Variants in LRRC36 observed in about 807,000 individuals in gnomAD.
LRRC36 encodes leucine rich repeat containing 36.
A neutral mutation model predicts 81.1 loss-of-function variants in LRRC36; 62 were observed. The ratio of observed to expected loss-of-function variants is 0.76; its 90% CI spans 0.62 to 0.94. LRRC36 has a LOEUF of 0.94. Ranked by LOEUF, LRRC36 falls within the 40% of genes least tolerant of loss-of-function variation. The pLI is 0.00. For synonymous variants in LRRC36, 334 were observed against 348.6 expected, an observed-to-expected ratio of 0.96 and a Z score of 0.47; for missense variants, 761 against 881.7, an observed-to-expected ratio of 0.86 and a Z score of 1.73.
At chr16:67,375,568 C>T (rs2039860850) in intron 10 of LRRC36, among the ~76,000 whole-genome samples, 156 bp downstream of exon 10, 2 of 152,188 alleles carry the variant, frequency 1.3e-5, no homozygotes, top group Non-Finnish European at 2.9e-5. Flanking sequence ...AACAAATCTA[C>T]ATTTTTCTCA....
At chr16:67,359,707 T>C (rs2039060268) in intron 5 of LRRC36, among the ~76,000 whole-genome samples, 1 of 152,208 alleles carries the variant, frequency 6.6e-6, no homozygotes, top group South Asian at 2.1e-4. Flanking sequence ...AGATTTCAGA[T>C]GAGTCAAATA....
intron 1 of LRRC36, among the ~76,000 whole-genome samples, chr16:67,329,968 T>C (rs1193865916): frequency 3.3e-5 from 5 of 152,144 alleles, no homozygotes; most frequent in Non-Finnish European, 7.3e-5. Flanking sequence ...TTGCAATTGG[T>C]TGATGTATGT....
At chr16:67,366,963 T>G in intron 7 of LRRC36, 54 bp from the exon 8 acceptor site, 1 of 1,421,548 alleles carries the variant, frequency 7.0e-7, no homozygotes. Context: ...TACTCCCAGC[T>G]AGGCCACAAA....
Position 67,363,700 on chromosome 16 carries a change from C to A in LRRC36, c.688C>A (p.Pro230Thr). 1.9e-6 allele frequency: 3 copies of A among 1,613,862 alleles called. No individual in the cohort carries two copies. The South Asian group carries it at 3.3e-5, about 18-fold the overall frequency. Reference sequence around the variant, plus strand: ...ACGTGATCAGAAATTAGACACCTTCCCACTGGGGACACAGGTAATGTATTC... The same window carrying A: ...ACGTGATCAGAAATTAGACACCTTCACACTGGGGACACAGGTAATGTATTC... ...GTRDQKLDTFPLGTQTQEVAR... is the reference protein window; with the variant it reads ...GTRDQKLDTFTLGTQTQEVAR... The change falls in exon 6 of 14, where the codon CCA (proline) becomes ACA (threonine). Residue 230 changes from proline to threonine, a missense_variant. Physicochemically the swap from Pro to Thr is conservative, Grantham distance 38. This residue lies in a region of LRRC36 where 263 missense variants were observed against 279.3 expected (regional missense o/e 0.94). Coordinates refer to ENST00000329956, the MANE Select transcript of LRRC36 (RefSeq NM_018296.6).
intron 1 of LRRC36, among the ~76,000 whole-genome samples, chr16:67,331,577 A>G (rs2037493371): frequency 6.6e-6 from 1 of 152,228 alleles, no homozygotes; most frequent in South Asian, 2.1e-4. Flanking sequence ...TTCAAACCAT[A>G]GCAATATATT....
chr16:67,346,539 T>G, intron 3 of LRRC36, 91 bp downstream of exon 3: 21 of 656,038 alleles, frequency 3.2e-5, no homozygotes, highest in Non-Finnish European at 4.3e-5. Flanking sequence ...CAGTGTGCAC[T>G]GGCAGGATAT....
intron 5 of LRRC36, among the ~76,000 whole-genome samples, chr16:67,361,267 AG>A (rs1471006747): frequency 6.6e-6 from 1 of 152,104 alleles, no homozygotes. Flanking sequence ...CCTGGGCTCA[AG>A]TGATCCACCC....
chr16:67,371,668 C>T, intron 9 of LRRC36: 1 of 229,400 alleles, frequency 4.4e-6, no homozygotes, highest in Non-Finnish European at 8.8e-6. Flanking sequence ...GTCAGGAGTT[C>T]AAGACCAGCC....
chr16:67,360,909 T>C (rs1445896313), intron 5 of LRRC36, among the ~76,000 whole-genome samples: 1 of 151,872 alleles, frequency 6.6e-6, no homozygotes. Flanking sequence ...AAAAAATTCC[T>C]TAAACAAAAG....
chr16:67,363,972 G>T (rs1023433321), intron 6 of LRRC36, among the ~76,000 whole-genome samples: 1 of 152,084 alleles, frequency 6.6e-6, no homozygotes, highest in Non-Finnish European at 1.5e-5. Flanking sequence ...TCTATGAAAG[G>T]CATTTTGGTC....
At chr16:67,365,756 G>A (rs543996891) in intron 7 of LRRC36, among the ~76,000 whole-genome samples, 9 of 152,008 alleles carry the variant, frequency 5.9e-5, no homozygotes, top group Admixed American at 5.2e-4. Context: ...AATACCTTAA[G>A]TCTTCTTTTG....
In LRRC36 at chr16:67,385,198, C is replaced by A; in HGVS notation, c.*109C>A. On this transcript the variant is annotated 3_prime_UTR_variant, in exon 14 of 14. Coordinates refer to ENST00000329956, the MANE Select transcript of LRRC36 (RefSeq NM_018296.6). ...ACAAAGATTAAGAAAGAAATGTATT[C>A]TGATTAGATTGTATTGGTCCTTCTT... 2.6e-6 allele frequency: 2 copies of A among 767,126 alleles called. No homozygotes were observed. Among genetic ancestry groups the A allele is most frequent in the African/African-American group, 1.7e-5 (1 of 57,158 alleles). The allele number at this position is 767,126 out of a possible 1,614,324, so 47.5% of individuals were successfully genotyped here.
rs201950255 is a variant in LRRC36, at chr16:67,326,889, G to T, written c.27G>T (p.Glu9Asp). The part of the protein sequence containing the change: MAEQWELD[E>D]EGIRRLGALT... ...TGGCGGAGCAATGGGAGCTGGACGA[G>T]GAAGGCATTCGCCGCCTGGGGGCGC... Residue 9 changes from glutamate (E) to aspartate (D), a missense_variant, in exon 1 of 14, where the codon GAG becomes GAT. Around this residue, in one of 3 missense-constraint regions of LRRC36, gnomAD observed 263 missense variants for 279.3 expected, o/e 0.94. Coordinates refer to ENST00000329956, the MANE Select transcript of LRRC36 (RefSeq NM_018296.6). 2 of 1,466,536 alleles carry T rather than the reference G, an allele frequency of 1.4e-6. No homozygotes were observed. The highest frequency in any genetic ancestry group is 3.2e-5 in the Admixed American group (1 of 30,928). The allele number at this position is 1,466,536 out of a possible 1,614,324, so 90.8% of individuals were successfully genotyped here. A position where few individuals can be genotyped will look rare whatever the true frequency, so the allele number is the denominator to read the frequency against.
At chr16:67,375,981 A>G (rs2039875527) in intron 10 of LRRC36, among the ~76,000 whole-genome samples, 1 of 152,210 alleles carries the variant, frequency 6.6e-6, no homozygotes, top group East Asian at 1.9e-4. Context: ...AAGAATAATT[A>G]AGGAAATTTC....
Position 67,370,980 on chromosome 16 carries a change from C to A in LRRC36, c.1232C>A (p.Ala411Asp). Residue 411 changes from alanine to aspartate, a missense_variant, in exon 9 of 14, where the codon GCT becomes GAT. This residue lies in a region of LRRC36 where 139 missense variants were observed against 214.0 expected (regional missense o/e 0.65). Coordinates refer to ENST00000329956, the MANE Select transcript of LRRC36 (RefSeq NM_018296.6). ...YATTHFNSDPAVLVNVEQQLS... is the reference protein window; with the variant it reads ...YATTHFNSDPDVLVNVEQQLS... ...ACAACCCATTTCAACAGTGACCCTG[C>A]TGTACTTGTCAATGTAGAGCAACAA... The A allele has an allele frequency of 6.2e-7, 1 of 1,614,064 alleles. No individual in the cohort carries two copies. The highest frequency in any genetic ancestry group is 2.2e-5 in the East Asian group (1 of 44,876).
chr16:67,363,623 AC>A lies in LRRC36; in HGVS notation c.613del (p.Arg205GlyfsTer3). ...SNKGLFIPFP[N>X]REIKDSLSTS... ...AAAGGACTTTTTATTCCCTTCCCCAACCGGGAAATAAAGGATTCCCTAAGTA... is the reference window on the plus strand; with the variant it reads ...AAAGGACTTTTTATTCCCTTCCCCAACGGGAAATAAAGGATTCCCTAAGTA... On this transcript the variant is annotated frameshift_variant, in exon 6 of 14. Transcript: ENST00000329956. LOFTEE classifies it high-confidence loss of function. The A allele has an allele frequency of 6.2e-7, 1 of 1,613,846 alleles. No homozygotes were observed. The highest frequency in any genetic ancestry group is 8.5e-7 in the Non-Finnish European group (1 of 1,179,766).
chr16:67,344,013 C>T (rs2038225238), intron 2 of LRRC36, among the ~76,000 whole-genome samples: 2 of 151,914 alleles, frequency 1.3e-5, no homozygotes, highest in Admixed American at 1.3e-4. Context: ...GACAGGGTTT[C>T]ACCATGTTAG....
At chr16:67,373,639 C>T (rs2039754772) in intron 9 of LRRC36, among the ~76,000 whole-genome samples, 1 of 138,004 alleles carries the variant, frequency 7.2e-6, no homozygotes, top group Admixed American at 8.3e-5. Context: ...ACCTAGGAGG[C>T]AGAGGTTGCA....
At chr16:67,358,701 A>C (rs896097699) in intron 5 of LRRC36, among the ~76,000 whole-genome samples, 3 of 152,118 alleles carry the variant, frequency 2.0e-5, no homozygotes, top group African/African-American at 7.2e-5. Context: ...AGACAAAAAC[A>C]ACCCAATTAA....
Sources: gnomAD v4.1 joint callset for allele counts (sites outside exome capture counted in the v4.1 genomes callset) on GRCh38, gnomAD v4.1.1 for gene constraint, gnomAD v4.1.1 regional missense constraint, MANE v1.5 for transcripts, NCBI Gene and HGNC (gene_info 2026-07-23, HGNC 2026-07-21) for gene names.